Variants in DCP2 observed in about 807,000 individuals in gnomAD.
DCP2 encodes the protein decapping mRNA 2.
In DCP2, 30 loss-of-function variants were observed where a neutral mutation model predicts 56.1. The observed-to-expected ratio is 0.53, with a 90% confidence interval of 0.40 to 0.73. The LOEUF is 0.73. DCP2 is among the 30% of genes least tolerant of loss of function. The pLI, the probability that DCP2 is intolerant of heterozygous loss-of-function variation, is 0.00. For missense variants in DCP2, 533 were observed against 502.7 expected (o/e 1.06, Z -0.58); for synonymous variants, 197 against 163.3 (o/e 1.21, Z -1.57).
chr5:113,010,884 G>C (rs374411821), intron 10 of DCP2, 77 bp downstream of exon 10: 1 of 1,438,162 alleles, frequency 7.0e-7, no homozygotes, highest in South Asian at 1.3e-5. Flanking sequence ...ATTTTAGTGG[G>C]AGTATGTGAT....
intron 7 of DCP2, among the ~76,000 whole-genome samples, chr5:113,001,933 A>G (rs969131161): frequency 6.6e-6 from 1 of 152,202 alleles, no homozygotes; most frequent in African/African-American, 2.4e-5. Context: ...ATAGAACACT[A>G]GGAAAGGAAA....
chr5:113,004,015 C>G lies in DCP2; in HGVS notation c.880C>G (p.Gln294Glu). Residue 294 changes from glutamine (Q) to glutamate (E), a missense_variant, in exon 8 of 11, where the codon CAA becomes GAA. Physicochemically the swap from Gln to Glu is conservative, Grantham distance 29. This residue lies in a region of DCP2 where 392 missense variants were observed against 346.6 expected (regional missense o/e 1.13). Transcript: ENST00000389063. ...TGGTGACCAGTGGGTAAAGCACAGG[C>G]AACCACTGCAGCAAAAGCCATATAA... ...SPGDQWVKHR[Q>E]PLQQKPYNNH... The G allele has an allele frequency of 6.2e-7, 1 of 1,614,100 alleles. No homozygotes were observed. The highest frequency in any genetic ancestry group is 1.1e-5 in the South Asian group (1 of 91,068).
At chr5:113,012,506 C>T (rs1414658384) in intron 10 of DCP2, among the ~76,000 whole-genome samples, 1 of 152,218 alleles carries the variant, frequency 6.6e-6, no homozygotes, top group African/African-American at 2.4e-5. Context: ...CTACCCCAGC[C>T]TCTTGATGTC....
chr5:113,017,338 T>C lies in DCP2; in HGVS notation c.*3854T>C, dbSNP rs1749931276. On this transcript the variant is annotated 3_prime_UTR_variant, in exon 11 of 11. Transcript: ENST00000389063. ...TGTTTGAAGGTATCCTTTACATACC[T>C]GTCTGTAGGTAAGCAAGTGTTAGTA... 6.6e-6 allele frequency: 1 copy of C among 152,222 alleles called. No individual in the cohort carries two copies. Among genetic ancestry groups the C allele is most frequent in the Non-Finnish European group, 1.5e-5 (1 of 68,040 alleles). 9.4% of individuals were successfully genotyped at this position (152,222 alleles called of 1,614,324 possible).
At chr5:112,998,307 T>C (rs1748958127) in intron 4 of DCP2, among the ~76,000 whole-genome samples, 1 of 152,226 alleles carries the variant, frequency 6.6e-6, no homozygotes, top group South Asian at 2.1e-4. Flanking sequence ...GCCTTTTTTC[T>C]TCTTGTTGGT....
In DCP2 at chr5:113,020,776, T is replaced by C. The variant is rs903987561; in HGVS notation, c.*7292T>C. 1 of 152,238 alleles carries C rather than the reference T, an allele frequency of 6.6e-6. No individual in the cohort carries two copies. Among genetic ancestry groups the C allele is most frequent in the African/African-American group, 2.4e-5 (1 of 41,458 alleles). 9.4% of individuals were successfully genotyped at this position (152,238 alleles called of 1,614,324 possible). The stretch of plus-strand genomic sequence containing the variant: ...ACAAAATCCTATGTCTTAACAGTTA[T>C]GCTCTAACTTTTTGAAAGCTTTTTG... On this transcript the variant is annotated 3_prime_UTR_variant, in exon 11 of 11. Coordinates refer to ENST00000389063, the MANE Select transcript of DCP2 (RefSeq NM_152624.6).
intron 1 of DCP2, among the ~76,000 whole-genome samples, chr5:112,983,341 C>CA (rs1030937352): frequency 1.2e-4 from 18 of 152,244 alleles, no homozygotes; most frequent in African/African-American, 4.1e-4. Flanking sequence ...TTCAGCATTT[C>CA]AACAGAGCGG....
chr5:113,005,120 ACT>A (rs993606440), intron 8 of DCP2, among the ~76,000 whole-genome samples: 67 of 146,670 alleles, frequency 4.6e-4, no homozygotes, highest in African/African-American at 1.7e-3. Flanking sequence ...TAAGAACAAA[ACT>A]CTGTCTCAAA....
Position 113,001,661 on chromosome 5 carries a change from G to T in DCP2, c.793G>T (p.Val265Leu). The T allele has an allele frequency of 6.2e-7, 1 of 1,613,966 alleles. No individual in the cohort carries two copies. The highest frequency in any genetic ancestry group is 8.5e-7 in the Non-Finnish European group (1 of 1,179,932). Residue 265 changes from valine to leucine, a missense_variant, in exon 7 of 11, where the codon GTG becomes TTG. Around this residue, in one of 3 missense-constraint regions of DCP2, gnomAD observed 392 missense variants for 346.6 expected, o/e 1.13. Transcript: ENST00000389063. ...STGSTPAKPT[V>L]EKLSRTKFRH... The stretch of plus-strand genomic sequence containing the variant: ...TGGTAGCACGCCGGCTAAACCCACT[G>T]TGGAAAAATTGAGGTAAAGAAATAC...
intron 4 of DCP2, among the ~76,000 whole-genome samples, chr5:112,993,040 C>T (rs1318091990): frequency 1.3e-5 from 2 of 151,374 alleles, no homozygotes; most frequent in East Asian, 3.9e-4. Context: ...CCACCTTTCC[C>T]TTTAGAATTA....
In DCP2 at chr5:113,018,673, T is replaced by C. The variant is rs1647349778; in HGVS notation, c.*5189T>C. 6.6e-6 allele frequency: 1 copy of C among 152,266 alleles called. No homozygotes were observed. The highest frequency in any genetic ancestry group is 2.4e-5 in the African/African-American group (1 of 41,456). The allele number at this position is 152,266 out of a possible 1,614,324, so 9.4% of individuals were successfully genotyped here. ...AGGTGGTTGGGTGGTTTTTGGGTTA[T>C]TGGCTACTGTTCGTTCAGTGCCATT... On this transcript the variant is annotated 3_prime_UTR_variant, in exon 11 of 11. Coordinates refer to ENST00000389063, the MANE Select transcript of DCP2 (RefSeq NM_152624.6).
chr5:112,983,956 T>G (rs1748128119), intron 1 of DCP2: 1 of 152,220 alleles, frequency 6.6e-6, no homozygotes, highest in African/African-American at 2.4e-5. Flanking sequence ...ACCTCCCCTT[T>G]GCATCCTTCC....
rs368000386 is a variant in DCP2 at position 112,985,797 on chromosome 5, T to C, written c.54-38T>C. The C allele has an allele frequency of 3.8e-6, 6 of 1,589,696 alleles. No homozygotes were observed. In the Middle Eastern group the frequency reaches 6.7e-4, roughly 177 times the overall value. The stretch of plus-strand genomic sequence containing the variant: ...TAGCTTAAGATAAATCGTTATAGTT[T>C]GTAAATGTAATTTTTGTATGTGTTT... On this transcript the variant is annotated intron_variant, in intron 1 of 10. Transcript: ENST00000389063.
chr5:112,982,285 T>G (rs1413342940), intron 1 of DCP2, among the ~76,000 whole-genome samples: 1 of 152,166 alleles, frequency 6.6e-6, no homozygotes, highest in African/African-American at 2.4e-5. Flanking sequence ...TTTTTTCCCT[T>G]TAGACTGCAC....
At chr5:112,984,722 A>ATATATATATATATATATATATATATATT (rs1328543744) in intron 1 of DCP2, 1 of 134,314 alleles carries the variant, frequency 7.4e-6, no homozygotes, top group African/African-American at 3.0e-5. Context: ...ATATATATAT[A>ATATATATATATATATATATATATATATT]TATTTGAGAC....
At chr5:113,009,437 T>TA (rs906810245) in intron 9 of DCP2, among the ~76,000 whole-genome samples, 1 of 152,218 alleles carries the variant, frequency 6.6e-6, no homozygotes, top group Non-Finnish European at 1.5e-5. Context: ...TGAAATGAGT[T>TA]ACATTTCTCC....
chr5:113,007,857 C>G (rs1749510658), intron 8 of DCP2, 81 bp from the exon 9 acceptor site: 1 of 1,256,938 alleles, frequency 8.0e-7, no homozygotes, highest in Non-Finnish European at 1.1e-6. Flanking sequence ...GTTCAACCAG[C>G]TAAACATATT....
intron 2 of DCP2, among the ~76,000 whole-genome samples, chr5:112,989,691 T>C (rs993954921): frequency 2.0e-5 from 3 of 152,234 alleles, no homozygotes; most frequent in South Asian, 2.1e-4. Flanking sequence ...CATCATACCC[T>C]TCATCTGTAT....
chr5:113,008,424 A>C (rs1749539176), intron 9 of DCP2: 1 of 158,086 alleles, frequency 6.3e-6, no homozygotes, highest in Admixed American at 6.4e-5. Context: ...TTAGAAAATA[A>C]AAAAAACACA....
Sources: gnomAD v4.1 joint callset for allele counts (sites outside exome capture counted in the v4.1 genomes callset) on GRCh38, gnomAD v4.1.1 for gene constraint, gnomAD v4.1.1 regional missense constraint, MANE v1.5 for transcripts, NCBI Gene and HGNC (gene_info 2026-07-23, HGNC 2026-07-21) for gene names.